Variants in ZMAT4 observed in about 807,000 individuals in gnomAD.
ZMAT4 encodes zinc finger matrin-type 4.
ZMAT4 carries 17 observed loss-of-function variants against 28.7 expected under a neutral mutation model. That is an observed-to-expected ratio of 0.59 (90% CI 0.41 to 0.89). ZMAT4 has a LOEUF of 0.89. ZMAT4 is among the 40% of genes least tolerant of loss of function. The pLI, the probability that ZMAT4 is intolerant of heterozygous loss-of-function variation, is 0.00. For missense variants in ZMAT4, 240 were observed against 283.8 expected (o/e 0.85, Z 1.11); for synonymous variants, 117 against 109.2 (o/e 1.07, Z -0.44).
rs1242038179 is a variant in ZMAT4 at position 40,567,511 on chromosome 8, AC to A, written c.674+13653del. 1.2e-4 allele frequency among the ~76,000 whole-genome samples: 19 copies of A among 152,140 alleles called. 1 individual carries two copies. The South Asian group carries it at 3.7e-3, about 30-fold the overall frequency. On this transcript the variant is annotated intron_variant, in intron 6 of 6. Coordinates refer to ENST00000297737, the MANE Select transcript of ZMAT4 (RefSeq NM_024645.3). The stretch of plus-strand genomic sequence containing the variant: ...TCTGGGAGGCTCAAGCGGGCAGGTC[AC>A]CTGAGGTCAGGAGTTCAAGACCAAC...
intron 1 of ZMAT4, among the ~76,000 whole-genome samples, chr8:40,850,343 G>A (rs934019994): frequency 4.6e-5 from 7 of 151,916 alleles, no homozygotes; most frequent in Non-Finnish European, 7.4e-5. Flanking sequence ...TCCCCTCATC[G>A]ACTGTGGAGC....
intron 2 of ZMAT4, among the ~76,000 whole-genome samples, chr8:40,809,390 T>C (rs1051388561): frequency 1.3e-5 from 2 of 152,202 alleles, no homozygotes; most frequent in Non-Finnish European, 2.9e-5. Flanking sequence ...ACCTGGGTGA[T>C]GGGATCCATA....
intron 1 of ZMAT4, among the ~76,000 whole-genome samples, chr8:40,893,563 G>T (rs1189947298): frequency 2.6e-5 from 4 of 152,198 alleles, no homozygotes; most frequent in African/African-American, 7.2e-5. Flanking sequence ...AAAAGCGAAG[G>T]CCGCCGTTTC....
At chr8:40,715,810 G>C (rs1159865075) in intron 3 of ZMAT4, among the ~76,000 whole-genome samples, 1 of 152,212 alleles carries the variant, frequency 6.6e-6, no homozygotes, top group Non-Finnish European at 1.5e-5. Context: ...CCTTCGTTCA[G>C]CAGGTTCCCC....
intron 3 of ZMAT4, among the ~76,000 whole-genome samples, chr8:40,744,297 G>A (rs1455660059): frequency 1.3e-5 from 2 of 152,154 alleles, no homozygotes; most frequent in African/African-American, 4.8e-5. Context: ...AGAAGTCAAA[G>A]GCCAGTCTGC....
intron 6 of ZMAT4, among the ~76,000 whole-genome samples, chr8:40,554,698 A>G (rs1004147016): frequency 5.9e-5 from 9 of 152,148 alleles, no homozygotes; most frequent in African/African-American, 1.9e-4. Flanking sequence ...AGTATTTTAC[A>G]TATTTATGGA....
intron 6 of ZMAT4, among the ~76,000 whole-genome samples, chr8:40,573,195 A>G (rs1220938019): frequency 6.6e-6 from 1 of 152,194 alleles, no homozygotes; most frequent in African/African-American, 2.4e-5. Flanking sequence ...GCAGTGGCTT[A>G]GTAAAATGTG....
chr8:40,681,375 C>T (rs1467905596), intron 4 of ZMAT4, among the ~76,000 whole-genome samples: 2 of 152,162 alleles, frequency 1.3e-5, no homozygotes, highest in African/African-American at 4.8e-5. Flanking sequence ...TGATAAACTG[C>T]CTTTATTTTT....
At chr8:40,805,702 C>T (rs1815054183) in intron 2 of ZMAT4, among the ~76,000 whole-genome samples, 1 of 147,390 alleles carries the variant, frequency 6.8e-6, no homozygotes, top group Non-Finnish European at 1.5e-5. Flanking sequence ...AAAAACCAAA[C>T]ACCGCATATT....
intron 1 of ZMAT4, among the ~76,000 whole-genome samples, chr8:40,867,353 G>T (rs1293573270): frequency 6.6e-6 from 1 of 152,278 alleles, no homozygotes; most frequent in East Asian, 1.9e-4. Context: ...GTGGGTTGCA[G>T]GTTGGACAAG....
At chr8:40,555,788 T>C (rs1803514169) in intron 6 of ZMAT4, among the ~76,000 whole-genome samples, 1 of 152,102 alleles carries the variant, frequency 6.6e-6, no homozygotes. Context: ...CTATGGTCTC[T>C]TCTATTCTTC....
intron 2 of ZMAT4, among the ~76,000 whole-genome samples, chr8:40,787,911 A>G (rs1814154169): frequency 6.6e-6 from 1 of 152,216 alleles, no homozygotes; most frequent in Non-Finnish European, 1.5e-5. Context: ...GGCTGAGGGT[A>G]ATTGAAACTG....
intron 5 of ZMAT4, among the ~76,000 whole-genome samples, chr8:40,623,028 C>T (rs547613806): frequency 1.3e-5 from 2 of 152,234 alleles, no homozygotes; most frequent in Admixed American, 6.5e-5. Context: ...CACCTCTTTC[C>T]TCCATGTCAG....
intron 2 of ZMAT4, among the ~76,000 whole-genome samples, chr8:40,799,155 C>CTGGCTGGCTGGA (rs61064515): frequency 6.8e-6 from 1 of 146,078 alleles, no homozygotes; most frequent in Non-Finnish European, 1.5e-5. Flanking sequence ...GGCTGGCTGG[C>CTGGCTGGCTGGA]TGGATGGATG....
Position 40,592,874 on chromosome 8 carries a change from T to G in ZMAT4, c.578-11613A>C, listed in dbSNP as rs1327276688. ...ATTTTGGTCTTGGACGTGGTCACTA[T>G]GGCAAACTGCAAGAAACCTAAGGAA... On this transcript the variant is annotated intron_variant, in intron 5 of 6. Coordinates refer to ENST00000297737, the MANE Select transcript of ZMAT4 (RefSeq NM_024645.3). Among the ~76,000 whole-genome samples the G allele has an allele frequency of 3.3e-5, 5 of 152,350 alleles. No homozygotes were observed. The East Asian group carries it at 9.6e-4, about 29-fold the overall frequency.
At chr8:40,732,187 C>A (rs1299843186) in intron 3 of ZMAT4, among the ~76,000 whole-genome samples, 3 of 152,106 alleles carry the variant, frequency 2.0e-5, no homozygotes, top group African/African-American at 2.4e-5. Flanking sequence ...TACCAATGAA[C>A]TGTATGCTTA....
At chr8:40,845,461 G>T (rs143387001) in intron 1 of ZMAT4, among the ~76,000 whole-genome samples, 1 of 152,218 alleles carries the variant, frequency 6.6e-6, no homozygotes, top group East Asian at 1.9e-4. Context: ...CCCAGACACC[G>T]TGTGCCAGTT....
At chr8:40,710,289 G>T (rs1223708117) in intron 3 of ZMAT4, among the ~76,000 whole-genome samples, 2 of 152,024 alleles carry the variant, frequency 1.3e-5, no homozygotes, top group Non-Finnish European at 2.9e-5. Flanking sequence ...TTATTCACGG[G>T]ATATGCACAA....
intron 3 of ZMAT4, among the ~76,000 whole-genome samples, chr8:40,711,061 G>A (rs1306240440): frequency 4.6e-5 from 7 of 152,162 alleles, no homozygotes; most frequent in Non-Finnish European, 7.3e-5. Flanking sequence ...TGGGATTACA[G>A]GCATGAGCCA....
Sources: allele counts gnomAD v4.1 joint callset (sites outside exome capture counted in the v4.1 genomes callset), GRCh38; gene constraint gnomAD v4.1.1; transcripts MANE v1.5; gene names NCBI Gene and HGNC (gene_info 2026-07-23, HGNC 2026-07-21).